DPP6: variants seen among roughly 807,000 people sequenced by gnomAD.
DPP6 encodes the protein A-type potassium channel modulatory protein DPP6.
DPP6 carries 69 observed loss-of-function variants against 122.6 expected under a neutral mutation model. The observed-to-expected ratio is 0.56, with a 90% CI of 0.46 to 0.69. The LOEUF (loss-of-function observed/expected upper bound fraction) is 0.69, where lower values mean the gene tolerates loss of function less well. DPP6 is among the 30% of genes least tolerant of loss of function. The pLI, the probability that DPP6 is intolerant of heterozygous loss-of-function variation, is 0.00. For missense variants in DPP6, 928 were observed against 1,116.9 expected (o/e 0.83, Z 2.41); for synonymous variants, 418 against 433.1 (o/e 0.97, Z 0.43).
chr7:154,717,813 A>G (rs6597413), intron 7 of DPP6, among the ~76,000 whole-genome samples: 151,021 of 152,290 alleles, frequency 0.99, 74,889 homozygotes, highest in East Asian at 1. Context: ...TTCATTTTTT[A>G]AGGAACCTCC....
intron 1 of DPP6, among the ~76,000 whole-genome samples, chr7:154,146,547 T>C (rs1246932693): frequency 1.3e-5 from 2 of 152,352 alleles, no homozygotes; most frequent in African/African-American, 2.4e-5. Context: ...GCTGGCCAAC[T>C]GCCCCTTCTC....
chr7:154,105,274 A>T (rs1349819817), intron 1 of DPP6, among the ~76,000 whole-genome samples: 5 of 152,208 alleles, frequency 3.3e-5, no homozygotes, highest in Admixed American at 3.3e-4. Context: ...TTCTTTGATG[A>T]CATCATTAAC....
At chr7:154,480,841 T>C (rs1823207694) in intron 3 of DPP6, among the ~76,000 whole-genome samples, 1 of 152,150 alleles carries the variant, frequency 6.6e-6, no homozygotes, top group African/African-American at 2.4e-5. Flanking sequence ...TCCACAACCT[T>C]TCTGATGTCA....
intron 1 of DPP6, among the ~76,000 whole-genome samples, chr7:154,309,394 CA>C (rs1806657647): frequency 1.3e-5 from 2 of 152,112 alleles, no homozygotes; most frequent in Admixed American, 6.5e-5. Context: ...GGTGTCTGAA[CA>C]TATATAATAA....
At chr7:154,471,321 G>A (rs777018447) in intron 2 of DPP6, among the ~76,000 whole-genome samples, 18 of 152,096 alleles carry the variant, frequency 1.2e-4, no homozygotes, top group Non-Finnish European at 2.4e-4. Context: ...CACATACCTG[G>A]ATTGAAAGGG....
At chr7:154,207,968 T>A (rs895812016) in intron 1 of DPP6, among the ~76,000 whole-genome samples, 17 of 120,238 alleles carry the variant, frequency 1.4e-4, no homozygotes, top group Middle Eastern at 3.6e-3. Context: ...AAAAAAAAAA[T>A]TTAAGAATAT....
At chr7:154,289,351 G>A (rs922653001) in intron 1 of DPP6, among the ~76,000 whole-genome samples, 1 of 152,152 alleles carries the variant, frequency 6.6e-6, no homozygotes, top group African/African-American at 2.4e-5. Context: ...GCAGGCACAG[G>A]GTAACTGATC....
At chr7:154,583,293 G>A (rs574215870) in intron 5 of DPP6, among the ~76,000 whole-genome samples, 1 of 152,326 alleles carries the variant, frequency 6.6e-6, no homozygotes, top group Admixed American at 6.5e-5. Context: ...CTCACCTCTT[G>A]TGTAATTTTG....
intron 4 of DPP6, among the ~76,000 whole-genome samples, chr7:154,551,513 T>C (rs963606252): frequency 5.3e-5 from 8 of 152,100 alleles, no homozygotes; most frequent in Non-Finnish European, 4.4e-5. Context: ...TTAATACGAG[T>C]GGCTGAATCT....
chr7:154,303,770 T>C (rs1806071123), intron 1 of DPP6, among the ~76,000 whole-genome samples: 1 of 151,926 alleles, frequency 6.6e-6, no homozygotes, highest in South Asian at 2.1e-4. Context: ...CTTCTTAGAG[T>C]CTGCCAAATA....
chr7:154,816,321 A>C (rs1253304254), intron 16 of DPP6, among the ~76,000 whole-genome samples: 5 of 152,208 alleles, frequency 3.3e-5, no homozygotes. Flanking sequence ...ATTACAGTAT[A>C]TTGTTATAAT....
At chr7:154,883,957 T>C (rs1223808143) in intron 21 of DPP6, 1 of 121,328 alleles carries the variant, frequency 8.2e-6, no homozygotes, top group Non-Finnish European at 1.7e-5. Context: ...CGCTGACACA[T>C]GCTCACACAC....
At chr7:154,374,605 T>TTTTTCTTTTTTTTC (rs1812960814) in intron 1 of DPP6, among the ~76,000 whole-genome samples, 2 of 140,436 alleles carry the variant, frequency 1.4e-5, no homozygotes, top group Non-Finnish European at 3.2e-5. Flanking sequence ...TTTTTCTGTT[T>TTTTTCTTTTTTTTC]TTTTTCTTTT....
chr7:154,530,277 A>G (rs1411955056), intron 3 of DPP6, among the ~76,000 whole-genome samples: 2 of 152,204 alleles, frequency 1.3e-5, no homozygotes, highest in Non-Finnish European at 2.9e-5. Context: ...AAATGGATAA[A>G]GAAGTAGAAA....
chr7:154,767,753 T>C (rs962386095), intron 8 of DPP6, among the ~76,000 whole-genome samples: 2 of 152,134 alleles, frequency 1.3e-5, no homozygotes, highest in Non-Finnish European at 2.9e-5. Flanking sequence ...GAATTCATTT[T>C]TCCCTGAGCA....
At chr7:154,150,332 C>T (rs57223767) in intron 1 of DPP6, among the ~76,000 whole-genome samples, 3,172 of 152,274 alleles carry the variant, frequency 0.021, 100 homozygotes, top group African/African-American at 0.071. Context: ...GCCCTGGAAA[C>T]AGCCAAGGAT....
chr7:154,254,114 A>C (rs992717249), intron 1 of DPP6, among the ~76,000 whole-genome samples: 1 of 152,238 alleles, frequency 6.6e-6, no homozygotes, highest in Non-Finnish European at 1.5e-5. Context: ...GGGGACACAC[A>C]GCCAAACTGT....
chr7:154,634,899 G>T (rs1835645632), intron 5 of DPP6, among the ~76,000 whole-genome samples: 1 of 152,164 alleles, frequency 6.6e-6, no homozygotes, highest in Non-Finnish European at 1.5e-5. Flanking sequence ...ACCAGGGAAT[G>T]AATTTAAATC....
intron 10 of DPP6, among the ~76,000 whole-genome samples, chr7:154,782,182 C>T (rs745888706): frequency 1.3e-5 from 2 of 152,136 alleles, no homozygotes; most frequent in African/African-American, 4.8e-5. Context: ...TGACTAGATG[C>T]GCTTGGATGC....
Sources: gnomAD v4.1 joint callset for allele counts (sites outside exome capture counted in the v4.1 genomes callset) on GRCh38, gnomAD v4.1.1 for gene constraint, MANE v1.5 for transcripts, NCBI Gene and HGNC (gene_info 2026-07-23, HGNC 2026-07-21) for gene names.